Variants in SIPA1L3 observed in about 807,000 individuals in gnomAD.
SIPA1L3 encodes the protein signal-induced proliferation-associated 1-like protein 3.
SIPA1L3 carries 59 observed loss-of-function variants against 150.1 expected under a neutral mutation model. The ratio of observed to expected loss-of-function variants is 0.39; its 90% confidence interval spans 0.32 to 0.49. The LOEUF (loss-of-function observed/expected upper bound fraction) is 0.49. SIPA1L3 is among the 20% of genes least tolerant of loss of function. SIPA1L3 has a pLI of 0.86. For missense variants in SIPA1L3, 2,211 were observed against 2,489.5 expected, an observed-to-expected ratio of 0.89 and a Z score of 2.38; for synonymous variants, 1,070 against 1,077.6, an observed-to-expected ratio of 0.99 and a Z score of 0.14.
At chr19:38,154,763 A>ATT (rs372517508) in intron 13 of SIPA1L3, among the ~76,000 whole-genome samples, 33,275 of 129,638 alleles carry the variant, frequency 0.26, 5,908 homozygotes, top group African/African-American at 0.51. Context: ...TTTATTATTC[A>ATT]TTTTTTTTTT....
intron 10 of SIPA1L3, among the ~76,000 whole-genome samples, chr19:38,139,262 T>C (rs935058514): frequency 1.3e-5 from 2 of 152,124 alleles, no homozygotes; most frequent in Non-Finnish European, 2.9e-5. Flanking sequence ...GACAATTCTG[T>C]GCTAGTCATC....
At chr19:38,111,136 T>A (rs1970729026) in intron 8 of SIPA1L3, among the ~76,000 whole-genome samples, 1 of 151,676 alleles carries the variant, frequency 6.6e-6, no homozygotes, top group Admixed American at 6.6e-5. Flanking sequence ...ACGATCCTCC[T>A]GCCTCAGCCT....
intron 6 of SIPA1L3, among the ~76,000 whole-genome samples, chr19:38,102,249 A>G (rs2569416): frequency 6.8e-6 from 1 of 147,824 alleles, no homozygotes; most frequent in Non-Finnish European, 1.5e-5. Context: ...GATTTACTAT[A>G]TTGGCCAGGT....
At chr19:37,956,487 GT>G (rs61220966) in intron 1 of SIPA1L3, among the ~76,000 whole-genome samples, 19 of 133,554 alleles carry the variant, frequency 1.4e-4, no homozygotes, top group Admixed American at 2.3e-4. Context: ...TAAAAGTTTT[GT>G]TTTTTTTTTT....
chr19:38,178,447 T>C (rs557785793), intron 15 of SIPA1L3, among the ~76,000 whole-genome samples: 1 of 151,980 alleles, frequency 6.6e-6, no homozygotes, highest in South Asian at 2.1e-4. Context: ...TGCAGGCTTT[T>C]CTATTGCATG....
At chr19:38,010,985 A>G (rs1330046335) in intron 1 of SIPA1L3, among the ~76,000 whole-genome samples, 1 of 152,138 alleles carries the variant, frequency 6.6e-6, no homozygotes, top group Non-Finnish European at 1.5e-5. Context: ...CTCCTTACAC[A>G]GTTTGTTTCT....
intron 1 of SIPA1L3, among the ~76,000 whole-genome samples, chr19:37,936,540 T>A (rs1467778292): frequency 6.6e-6 from 1 of 152,232 alleles, no homozygotes; most frequent in African/African-American, 2.4e-5. Flanking sequence ...CCAGTCTCAT[T>A]AAGGGCTTAC....
chr19:38,071,824 C>A (rs1042471731), intron 2 of SIPA1L3, among the ~76,000 whole-genome samples: 1 of 152,162 alleles, frequency 6.6e-6, no homozygotes, highest in African/African-American at 2.4e-5. Context: ...CATCTGGGGT[C>A]ATTTGTTACT....
At chr19:37,956,593 C>T (rs967011038) in intron 1 of SIPA1L3, among the ~76,000 whole-genome samples, 5 of 150,230 alleles carry the variant, frequency 3.3e-5, no homozygotes, top group African/African-American at 4.9e-5. Flanking sequence ...AAGCAATTCT[C>T]CTGCCTCAGC....
chr19:37,994,790 G>A (rs137982402), intron 1 of SIPA1L3, among the ~76,000 whole-genome samples: 22 of 152,316 alleles, frequency 1.4e-4, no homozygotes, highest in Non-Finnish European at 3.2e-4. Context: ...CTTTCGATCT[G>A]TCAGTTGGGA....
chr19:37,977,121 G>A (rs1229758177), intron 1 of SIPA1L3, among the ~76,000 whole-genome samples: 1 of 151,800 alleles, frequency 6.6e-6, no homozygotes, highest in African/African-American at 2.4e-5. Flanking sequence ...ACAGGCATGA[G>A]CCACCTCACC....
intron 7 of SIPA1L3, among the ~76,000 whole-genome samples, chr19:38,109,105 G>A (rs527407137): frequency 2.6e-5 from 4 of 152,134 alleles, no homozygotes; most frequent in Non-Finnish European, 4.4e-5. Context: ...TGACCAGCAG[G>A]GGAGAGGTGT....
At chr19:38,011,321 C>G (rs1470715087) in intron 1 of SIPA1L3, among the ~76,000 whole-genome samples, 1 of 152,000 alleles carries the variant, frequency 6.6e-6, no homozygotes, top group Non-Finnish European at 1.5e-5. Context: ...CAAAAAATAA[C>G]AAAAATTAAC....
At position 38,047,575 on chromosome 19, in the gene SIPA1L3, C is replaced by A. The variant is rs1969089583; in HGVS notation, c.-311+18419C>A. Among the ~76,000 whole-genome samples, 1 of 152,214 alleles carries A rather than the reference C, an allele frequency of 6.6e-6. No individual in the cohort carries two copies. The highest frequency in any genetic ancestry group is 2.4e-5 in the African/African-American group (1 of 41,452). On this transcript the variant is annotated intron_variant, in intron 2 of 21. Transcript: ENST00000222345. The surrounding 1 kb of genome is among the most constrained non-coding windows in gnomAD (Gnocchi z 4.7). ...CGACCTCGATCCCTCCTGCCACTCA[C>A]TTTATAGTAGAGGCAGTCACAGGCG...
rs747245925 is a variant in SIPA1L3 at position 38,130,730 on chromosome 19, A to T, written c.3101A>T (p.Lys1034Met). ...IDLLRTSVTV[K>M]VVIIPPFEDG... ...CTGCTGCGCACCTCTGTCACTGTGA[A>T]GGTGGTCATCATCCCGCCTTTTGAG... The change falls in exon 10 of 22, where the codon AAG (lysine) becomes ATG (methionine). Residue 1034 changes from lysine to methionine, a missense_variant. Physicochemically the swap from Lys to Met is moderately conservative, Grantham distance 95 (BLOSUM62 -1). Around this residue, in one of 5 missense-constraint regions of SIPA1L3, gnomAD observed 625 missense variants for 804.2 expected, o/e 0.78. Coordinates refer to ENST00000222345, the MANE Select transcript of SIPA1L3 (RefSeq NM_015073.3). The T allele has an allele frequency of 1.9e-6, 3 of 1,612,740 alleles. No homozygotes were observed. The highest frequency in any genetic ancestry group is 2.5e-6 in the Non-Finnish European group (3 of 1,178,898).
At chr19:37,993,819 C>T (rs1157712308) in intron 1 of SIPA1L3, among the ~76,000 whole-genome samples, 2 of 152,146 alleles carry the variant, frequency 1.3e-5, no homozygotes, top group South Asian at 2.1e-4. Context: ...TTCAAGGTGC[C>T]GTATGAATAA....
intron 1 of SIPA1L3, among the ~76,000 whole-genome samples, chr19:37,960,196 T>A (rs2046844782): frequency 6.6e-6 from 1 of 152,204 alleles, no homozygotes; most frequent in Non-Finnish European, 1.5e-5. Flanking sequence ...TTCTTACAGA[T>A]CAAATCTTCT....
At chr19:38,142,499 G>C (rs1247472661) in intron 11 of SIPA1L3, 74 bp from the exon 12 acceptor site, 1 of 1,486,772 alleles carries the variant, frequency 6.7e-7, no homozygotes. Flanking sequence ...CCATCTGTCT[G>C]TCCGTCCATC....
intron 10 of SIPA1L3, among the ~76,000 whole-genome samples, chr19:38,137,986 C>A (rs1367158401): frequency 6.6e-6 from 1 of 152,042 alleles, no homozygotes; most frequent in Non-Finnish European, 1.5e-5. Flanking sequence ...CAAAAATTAG[C>A]CAGGCATGGT....
Sources: allele counts gnomAD v4.1 joint callset (sites outside exome capture counted in the v4.1 genomes callset), GRCh38; gene constraint gnomAD v4.1.1; regional missense constraint gnomAD v4.1.1; non-coding constraint Gnocchi (gnomAD v3.1); transcripts MANE v1.5; gene names NCBI Gene and HGNC (gene_info 2026-07-23, HGNC 2026-07-21).